DGKH: variants seen among roughly 807,000 people sequenced by gnomAD.
The protein encoded by DGKH is diacylglycerol kinase eta.
DGKH carries 90 observed loss-of-function variants against 159.3 expected under a neutral mutation model. That is an observed-to-expected ratio of 0.57 (90% confidence interval 0.48 to 0.67). The LOEUF (loss-of-function observed/expected upper bound fraction) is 0.67. Ranked by LOEUF, DGKH falls within the 30% of genes least tolerant of loss-of-function variation. The pLI, the probability that DGKH is intolerant of heterozygous loss-of-function variation, is 0.00. For synonymous variants in DGKH, 536 were observed against 553.8 expected (o/e 0.97, Z 0.45); for missense variants, 1,181 against 1,506.1 (o/e 0.78, Z 3.57).
intron 22 of DGKH, 84 bp downstream of exon 22, chr13:42,209,156 A>T: frequency 7.4e-7 from 1 of 1,356,618 alleles, no homozygotes; most frequent in East Asian, 2.4e-5. Flanking sequence ...CGTACACTGG[A>T]TATTCATCTA....
At chr13:42,178,609 G>A (rs1048242596) in intron 13 of DGKH, among the ~76,000 whole-genome samples, 2 of 152,114 alleles carry the variant, frequency 1.3e-5, no homozygotes, top group African/African-American at 2.4e-5. Context: ...TTAGAAAAAG[G>A]AAAATGATGA....
chr13:42,154,894 G>T (rs7332837), intron 3 of DGKH, among the ~76,000 whole-genome samples: 42,863 of 151,450 alleles, frequency 0.28, 6,511 homozygotes, highest in Admixed American at 0.38. Context: ...AAAAAATTAA[G>T]AAATCATTTA....
At chr13:42,040,230 C>G (rs1880390085) in intron 1 of DGKH, 1 of 152,218 alleles carries the variant, frequency 6.6e-6, no homozygotes, top group African/African-American at 2.4e-5. Context: ...GCGGGCTGCA[C>G]CGGGAGACGG....
At chr13:42,186,021 G>A (rs1462861649) in intron 13 of DGKH, among the ~76,000 whole-genome samples, 1 of 111,506 alleles carries the variant, frequency 9.0e-6, no homozygotes, top group Non-Finnish European at 2.2e-5. Flanking sequence ...GTGTGTGTGT[G>A]TGTGTGTGTG....
rs201392352 is a variant in DGKH, at chr13:42,208,926, T to G, written c.2602-33T>G. 1.7e-4 allele frequency: 258 copies of G among 1,516,760 alleles called. 3 individuals carry two copies. In the African/African-American group the frequency reaches 3.1e-3, roughly 18 times the overall value. The allele number at this position is 1,516,760 out of a possible 1,614,324, so 94.0% of individuals were successfully genotyped here. Reference sequence around the variant, plus strand: ...GCTTAACGTGCTCTTCACCTAAACATTCAGTAGAAGTGTAATGTAGTTTTT... The same window carrying G: ...GCTTAACGTGCTCTTCACCTAAACAGTCAGTAGAAGTGTAATGTAGTTTTT... On this transcript the variant is annotated intron_variant, in intron 21 of 29. Coordinates refer to ENST00000337343, the MANE Select transcript of DGKH (RefSeq NM_178009.5).
chr13:42,055,567 T>C (rs1485279289), intron 1 of DGKH, among the ~76,000 whole-genome samples: 1 of 152,232 alleles, frequency 6.6e-6, no homozygotes, highest in African/African-American at 2.4e-5. Context: ...TTGTTTGCTG[T>C]TGTGGTAAAG....
At chr13:42,195,374 C>A (rs1466423654) in intron 17 of DGKH, among the ~76,000 whole-genome samples, 1 of 152,084 alleles carries the variant, frequency 6.6e-6, no homozygotes, top group Non-Finnish European at 1.5e-5. Context: ...TAGTGGTACA[C>A]CCCTGTAATC....
At chr13:42,157,900 C>T (rs925126651) in intron 5 of DGKH, among the ~76,000 whole-genome samples, 1 of 152,170 alleles carries the variant, frequency 6.6e-6, no homozygotes, top group African/African-American at 2.4e-5. Context: ...GCTGGGATTA[C>T]AGGCATGCGC....
chr13:42,167,548 T>C (rs1426485089), intron 9 of DGKH, among the ~76,000 whole-genome samples: 1 of 152,168 alleles, frequency 6.6e-6, no homozygotes, highest in Non-Finnish European at 1.5e-5. Context: ...ATTGCCTTTA[T>C]CTTGCTAAGT....
At chr13:42,228,032 AT>A (rs1353742909) in intron 29 of DGKH, among the ~76,000 whole-genome samples, 1 of 152,142 alleles carries the variant, frequency 6.6e-6, no homozygotes, top group Admixed American at 6.5e-5. Context: ...GACTTCACAT[AT>A]TAGCAAACTG....
intron 3 of DGKH, among the ~76,000 whole-genome samples, chr13:42,146,014 A>G (rs1315731123): frequency 6.6e-6 from 1 of 152,128 alleles, no homozygotes; most frequent in East Asian, 1.9e-4. Flanking sequence ...AATAATAACT[A>G]ATTTTTCCCA....
At chr13:42,199,998 AT>A in intron 20 of DGKH, 89 bp downstream of exon 20, 2 of 1,060,346 alleles carry the variant, frequency 1.9e-6, no homozygotes, top group Non-Finnish European at 2.7e-6. Flanking sequence ...ATGCGTTTTG[AT>A]TAGCAATTAA....
intron 17 of DGKH, among the ~76,000 whole-genome samples, chr13:42,197,102 T>C (rs891901580): frequency 2.0e-5 from 3 of 151,762 alleles, no homozygotes; most frequent in African/African-American, 4.8e-5. Context: ...ATACAAAAAT[T>C]AGCCAGGCAT....
chr13:42,193,474 A>G (rs1957131487), intron 16 of DGKH, among the ~76,000 whole-genome samples: 1 of 152,216 alleles, frequency 6.6e-6, no homozygotes, highest in Admixed American at 6.5e-5. Context: ...AGTATATGAA[A>G]TACTACTTTT....
intron 1 of DGKH, among the ~76,000 whole-genome samples, chr13:42,089,538 ATC>A (rs1005616317): frequency 2.6e-5 from 4 of 152,184 alleles, no homozygotes; most frequent in African/African-American, 9.7e-5. Context: ...TGGGAAGAGA[ATC>A]TATTTCTTTG....
In DGKH at chr13:42,073,421, C is replaced by G. The variant is rs1883105516; in HGVS notation, c.192+24456C>G. ...TTAAGATTTTTCAAATTTACGGTGG[C>G]AAAAGCAATACATATTTAGTGGAAA... On this transcript the variant is annotated intron_variant, in intron 1 of 29. Coordinates refer to ENST00000337343, the MANE Select transcript of DGKH (RefSeq NM_178009.5). 2.6e-5 allele frequency among the ~76,000 whole-genome samples: 4 copies of G among 152,114 alleles called. No homozygotes were observed. The South Asian group carries it at 8.3e-4, about 32-fold the overall frequency.
At chr13:42,187,194 C>A in intron 14 of DGKH, 46 bp downstream of exon 14, 2 of 1,481,450 alleles carry the variant, frequency 1.4e-6, no homozygotes, top group Non-Finnish European at 1.9e-6. Context: ...ATGGACAATG[C>A]TCACATTCAA....
intron 29 of DGKH, among the ~76,000 whole-genome samples, chr13:42,249,041 A>G (rs1207229190): frequency 2.0e-5 from 3 of 152,340 alleles, no homozygotes; most frequent in East Asian, 1.9e-4. Flanking sequence ...TGTACATGCA[A>G]TATAGCTTAA....
chr13:42,148,534 T>A (rs1193558125), intron 3 of DGKH, among the ~76,000 whole-genome samples: 1 of 152,140 alleles, frequency 6.6e-6, no homozygotes, highest in African/African-American at 2.4e-5. Flanking sequence ...TTCCTGCCAT[T>A]TAATAAGAGT....
Sources: gnomAD v4.1 joint callset for allele counts (sites outside exome capture counted in the v4.1 genomes callset) on GRCh38, gnomAD v4.1.1 for gene constraint, MANE v1.5 for transcripts, NCBI Gene and HGNC (gene_info 2026-07-23, HGNC 2026-07-21) for gene names.